CDH8: variants seen among roughly 807,000 people sequenced by gnomAD.
The protein encoded by CDH8 is cadherin 8.
In CDH8, 17 loss-of-function variants were observed where a neutral mutation model predicts 68.1. The ratio of observed to expected loss-of-function variants is 0.25; its 90% CI spans 0.17 to 0.37. The LOEUF (loss-of-function observed/expected upper bound fraction) is 0.37. Among genes scored for constraint, CDH8 ranks in the 10% least tolerant of loss-of-function variants. CDH8 has a pLI of 1.00. For missense variants in CDH8, 763 were observed against 999.3 expected (o/e 0.76, Z 3.19); for synonymous variants, 372 against 365.1 (o/e 1.02, Z -0.21).
intron 10 of CDH8, among the ~76,000 whole-genome samples, chr16:61,695,179 A>G (rs1964303201): frequency 6.6e-6 from 1 of 152,002 alleles, no homozygotes; most frequent in Non-Finnish European, 1.5e-5. Flanking sequence ...ACCATTTCTC[A>G]AAGATTGACT....
At chr16:61,772,942 T>A (rs1271668793) in intron 8 of CDH8, among the ~76,000 whole-genome samples, 1 of 152,058 alleles carries the variant, frequency 6.6e-6, no homozygotes, top group Non-Finnish European at 1.5e-5. Context: ...TGAATTTGAA[T>A]GCTAATATTC....
Position 61,768,398 on chromosome 16 carries a change from T to TCTCTCTCTCTC in CDH8, c.1414+20947_1414+20948insGAGAGAGAGAG, listed in dbSNP as rs1960684849. Among the ~76,000 whole-genome samples the TCTCTCTCTCTC allele has an allele frequency of 4.6e-3, 161 of 35,202 alleles. 2 individuals are homozygous for TCTCTCTCTCTC. Among genetic ancestry groups the TCTCTCTCTCTC allele is most frequent in the South Asian group, 6.6e-3 (5 of 762 alleles). The allele number at this position is 35,202 out of a possible 152,430, so 23.1% of individuals were successfully genotyped here. A position where few individuals can be genotyped will look rare whatever the true frequency, so the allele number is the denominator to read the frequency against. On this transcript the variant is annotated intron_variant, in intron 8 of 11. Coordinates refer to ENST00000577390, the MANE Select transcript of CDH8 (RefSeq NM_001796.5). ...TCTCTCTCTCTCTCTCTCTCTCCCT[T>TCTCTCTCTCTC]TCTCTCTCTCTCTCTCTCTCTCTCT...
At chr16:62,005,699 G>A (rs1965963052) in intron 2 of CDH8, among the ~76,000 whole-genome samples, 1 of 141,542 alleles carries the variant, frequency 7.1e-6, no homozygotes, top group African/African-American at 2.7e-5. Context: ...TCACGCCACT[G>A]CATTCCAGCC....
chr16:61,876,235 T>C (rs940554566), intron 3 of CDH8, among the ~76,000 whole-genome samples: 4 of 152,184 alleles, frequency 2.6e-5, no homozygotes, highest in African/African-American at 9.6e-5. Flanking sequence ...GTCTTCATGC[T>C]AATTGTACTT....
At chr16:62,027,166 G>T (rs549383470) in intron 1 of CDH8, among the ~76,000 whole-genome samples, 20 of 152,132 alleles carry the variant, frequency 1.3e-4, no homozygotes, top group Non-Finnish European at 2.6e-4. Flanking sequence ...ATATACGAAA[G>T]TCTTTAGAAT....
intron 2 of CDH8, among the ~76,000 whole-genome samples, chr16:61,976,195 T>A (rs1965430510): frequency 6.6e-6 from 1 of 152,206 alleles, no homozygotes; most frequent in Non-Finnish European, 1.5e-5. Flanking sequence ...CACAGGCTTT[T>A]ATTAGCTGTG....
At chr16:61,855,180 A>C (rs1157443710) in intron 4 of CDH8, among the ~76,000 whole-genome samples, 1 of 152,160 alleles carries the variant, frequency 6.6e-6, no homozygotes, top group East Asian at 1.9e-4. Flanking sequence ...AGACAATTTG[A>C]TATCTGTCAG....
At chr16:61,698,171 C>T (rs1596877045) in intron 10 of CDH8, among the ~76,000 whole-genome samples, 2 of 152,312 alleles carry the variant, frequency 1.3e-5, no homozygotes, top group East Asian at 1.9e-4. Context: ...ATCACAGACT[C>T]CATATATTGA....
At chr16:61,896,311 G>A (rs774877783) in intron 3 of CDH8, among the ~76,000 whole-genome samples, 11 of 152,314 alleles carry the variant, frequency 7.2e-5, no homozygotes, top group East Asian at 1.9e-4. Flanking sequence ...ATATATGTGC[G>A]TTTTGTCTTG....
intron 4 of CDH8, among the ~76,000 whole-genome samples, chr16:61,826,473 G>A (rs936144033): frequency 3.3e-5 from 5 of 151,620 alleles, no homozygotes; most frequent in African/African-American, 1.2e-4. Context: ...GACTAGTCCA[G>A]AATACTTCTA....
At chr16:61,768,359 T>C (rs1596949551) in intron 8 of CDH8, among the ~76,000 whole-genome samples, 92 of 111,366 alleles carry the variant, frequency 8.3e-4, no homozygotes, top group East Asian at 1.4e-3. Context: ...TCTCTCTCTC[T>C]CTCTCTCTCC....
intron 3 of CDH8, among the ~76,000 whole-genome samples, chr16:61,863,631 G>A (rs1963196799): frequency 1.3e-5 from 2 of 152,160 alleles, no homozygotes; most frequent in Non-Finnish European, 2.9e-5. Flanking sequence ...ATGATCAGAA[G>A]AAGACAAATT....
intron 3 of CDH8, among the ~76,000 whole-genome samples, chr16:61,867,417 G>A (rs1488404981): frequency 2.0e-5 from 3 of 152,132 alleles, no homozygotes; most frequent in Non-Finnish European, 2.9e-5. Context: ...TAAATGATGT[G>A]ATCAAATGCA....
chr16:62,010,379 G>A (rs1901777531), intron 2 of CDH8, among the ~76,000 whole-genome samples: 1 of 152,128 alleles, frequency 6.6e-6, no homozygotes, highest in African/African-American at 2.4e-5. Flanking sequence ...ATCGTGTGTT[G>A]CCATGGTGAC....
intron 2 of CDH8, among the ~76,000 whole-genome samples, chr16:61,981,648 ATGTGTGTGTGTG>A (rs750036103): frequency 5.4e-5 from 8 of 146,830 alleles, no homozygotes; most frequent in East Asian, 2.1e-4. Flanking sequence ...CTTGAAAAGA[ATGTGTGTGTGTG>A]TGTGTGTGTG....
chr16:61,661,543 TATAA>T (rs1394053305), intron 10 of CDH8, among the ~76,000 whole-genome samples: 2 of 151,710 alleles, frequency 1.3e-5, no homozygotes, highest in African/African-American at 4.8e-5. Context: ...ATGAAACAAA[TATAA>T]ATAAAGATAC....
At chr16:61,907,493 A>G (rs965573506) in intron 2 of CDH8, among the ~76,000 whole-genome samples, 13 of 152,180 alleles carry the variant, frequency 8.5e-5, no homozygotes, top group African/African-American at 3.1e-4. Context: ...AGCCTGAGCA[A>G]CAAAGTGAGA....
At chr16:61,976,973 CAG>C (rs944333649) in intron 2 of CDH8, among the ~76,000 whole-genome samples, 2 of 152,070 alleles carry the variant, frequency 1.3e-5, no homozygotes, top group African/African-American at 4.8e-5. Context: ...TATCAGTTTC[CAG>C]AATACCTAAT....
chr16:61,692,903 T>C (rs1026534687), intron 10 of CDH8: 17 of 152,142 alleles, frequency 1.1e-4, no homozygotes, highest in Non-Finnish European at 4.4e-5. Flanking sequence ...AAAACTGCCA[T>C]AGCAAACTGG....
Sources: allele counts gnomAD v4.1 joint callset (sites outside exome capture counted in the v4.1 genomes callset), GRCh38; gene constraint gnomAD v4.1.1; transcripts MANE v1.5; gene names NCBI Gene and HGNC (gene_info 2026-07-23, HGNC 2026-07-21).